TP53BP1: variants seen among roughly 807,000 people sequenced by gnomAD.
TP53BP1 encodes the protein TP53-binding protein 1.
In TP53BP1, 61 loss-of-function variants were observed where a neutral mutation model predicts 200.8. The observed-to-expected ratio is 0.30, with a 90% CI of 0.25 to 0.38. TP53BP1 has a LOEUF of 0.38. Ranked by LOEUF, TP53BP1 falls within the 10% of genes least tolerant of loss-of-function variation. TP53BP1 has a pLI of 1.00. For synonymous variants in TP53BP1, 822 were observed against 844.3 expected (o/e 0.97, Z 0.46); for missense variants, 2,144 against 2,371.9 (o/e 0.90, Z 2.00).
chr15:43,444,441 T>C (rs1408286529), intron 14 of TP53BP1, among the ~76,000 whole-genome samples: 3 of 152,192 alleles, frequency 2.0e-5, no homozygotes, highest in South Asian at 2.1e-4. Context: ...GAAAAGATGA[T>C]AGTAAGGATG....
intron 23 of TP53BP1, among the ~76,000 whole-genome samples, chr15:43,414,871 A>C (rs1009401623): frequency 6.6e-6 from 1 of 151,770 alleles, no homozygotes; most frequent in Non-Finnish European, 1.5e-5. Flanking sequence ...ACTCATAGCT[A>C]CTTTTTTTGT....
chr15:43,478,638 C>A (rs1453739098), intron 7 of TP53BP1, among the ~76,000 whole-genome samples: 1 of 152,148 alleles, frequency 6.6e-6, no homozygotes, highest in East Asian at 1.9e-4. Context: ...TTCCCCAATT[C>A]CTACCAAGTT....
Position 43,456,093 on chromosome 15 carries a change from A to C in TP53BP1, c.2515T>G (p.Ser839Ala). 3 of 1,614,210 alleles carry C rather than the reference A, an allele frequency of 1.9e-6. No homozygotes were observed. Among genetic ancestry groups the C allele is most frequent in the Non-Finnish European group, 2.5e-6 (3 of 1,180,038 alleles). ...TCATCTGCTCTCACTAAAGGTAAGGAAGGCTGTGAAGAATCTTGCTCTACA... is the reference window on the plus strand; with the variant it reads ...TCATCTGCTCTCACTAAAGGTAAGGCAGGCTGTGAAGAATCTTGCTCTACA... ...EPVEQDSSQP[S>A]LPLVRADDPL... The change falls in exon 12 of 28, where the codon TCC (serine) becomes GCC (alanine). Residue 839 changes from serine (S) to alanine (A), a missense_variant. Coordinates refer to ENST00000382044, the MANE Select transcript of TP53BP1 (RefSeq NM_001141980.3).
At chr15:43,466,689 T>C (rs529025362) in intron 11 of TP53BP1, among the ~76,000 whole-genome samples, 1 of 152,234 alleles carries the variant, frequency 6.6e-6, no homozygotes, top group Non-Finnish European at 1.5e-5. Context: ...AGGTCCCATC[T>C]CTACAAAAAA....
At chr15:43,501,204 T>TTA (rs2079207830) in intron 1 of TP53BP1, among the ~76,000 whole-genome samples, 1 of 81,824 alleles carries the variant, frequency 1.2e-5, no homozygotes. Flanking sequence ...AATTGTGTAA[T>TTA]TTTTTTTTTT....
chr15:43,441,382 T>G, intron 15 of TP53BP1, 144 bp downstream of exon 15: 1 of 649,868 alleles, frequency 1.5e-6, no homozygotes, highest in Non-Finnish European at 2.8e-6. Flanking sequence ...AAGTCTATGA[T>G]CCATTCAAAA....
At chr15:43,468,908 TAACAA>T (rs1400888229) in intron 11 of TP53BP1, among the ~76,000 whole-genome samples, 1 of 152,208 alleles carries the variant, frequency 6.6e-6, no homozygotes, top group Non-Finnish European at 1.5e-5. Flanking sequence ...TGAAATCCTT[TAACAA>T]AACAAGTTTT....
At chr15:43,415,209 T>C in intron 23 of TP53BP1, 1 of 244,796 alleles carries the variant, frequency 4.1e-6, no homozygotes, top group South Asian at 5.1e-5. Context: ...CTTCTTTTTT[T>C]TTTTTTTTTT....
At chr15:43,477,913 T>G (rs1466736731) in intron 7 of TP53BP1, among the ~76,000 whole-genome samples, 154 bp from the exon 8 acceptor site, 1 of 152,256 alleles carries the variant, frequency 6.6e-6, no homozygotes, top group Non-Finnish European at 1.5e-5. Context: ...AATAAACTAC[T>G]CTTTATAGTG....
rs1325874039 is a variant in TP53BP1, at chr15:43,446,571, T to C, written c.2856A>G (p.Glu952=). Residue 952 remains glutamate (E), a synonymous_variant, in exon 14 of 28, where the codon GAA becomes GAG. Coordinates refer to ENST00000382044, the MANE Select transcript of TP53BP1 (RefSeq NM_001141980.3). The stretch of plus-strand genomic sequence containing the variant: ...TGACATCACTGGTTGCTATGGTGCT[T>C]TCTGGATAGTTGCTAATACCTGAAA... The part of the protein sequence containing the change: ...STPIGISNYP[E]STIATSDVMS... 1 of 1,613,890 alleles carries C rather than the reference T, an allele frequency of 6.2e-7. No individual in the cohort carries two copies. The highest frequency in any genetic ancestry group is 8.5e-7 in the Non-Finnish European group (1 of 1,179,880).
intron 1 of TP53BP1, among the ~76,000 whole-genome samples, chr15:43,504,652 G>T (rs1204461211): frequency 1.3e-5 from 2 of 152,158 alleles, no homozygotes; most frequent in African/African-American, 4.8e-5. Flanking sequence ...AAGGAAAAAT[G>T]AACAGCCTAA....
intron 12 of TP53BP1, among the ~76,000 whole-genome samples, chr15:43,454,934 T>C (rs1042801473): frequency 2.4e-4 from 36 of 152,172 alleles, no homozygotes; most frequent in African/African-American, 7.7e-4. Flanking sequence ...TTCACCATGT[T>C]AGCCAGGCTG....
intron 1 of TP53BP1, among the ~76,000 whole-genome samples, chr15:43,502,513 A>G (rs2079214523): frequency 6.6e-6 from 1 of 151,202 alleles, no homozygotes. Flanking sequence ...GGAGTGCAGT[A>G]GCGCGATCTT....
rs1291888412 is a variant in TP53BP1 at position 43,404,372 on chromosome 15, T to C, written c.*3011A>G. ...CCCCATCCTCCATATGGAGAGTTGG[T>C]GAGCTGAAGTGGAATGACAGCTGAG... On this transcript the variant is annotated 3_prime_UTR_variant, in exon 28 of 28. Transcript: ENST00000382044. 6.2e-7 allele frequency: 1 copy of C among 1,611,358 alleles called. No individual in the cohort carries two copies. The highest frequency in any genetic ancestry group is 1.3e-5 in the African/African-American group (1 of 74,852).
chr15:43,493,531 A>G (rs917900734), upstream of TP53BP1, among the ~76,000 whole-genome samples: 1 of 149,252 alleles, frequency 6.7e-6, no homozygotes. Flanking sequence ...CAGCTTTCTC[A>G]TAACAGGGCA....
chr15:43,502,991 G>A (rs578078361), intron 1 of TP53BP1, among the ~76,000 whole-genome samples: 2 of 152,210 alleles, frequency 1.3e-5, no homozygotes, highest in African/African-American at 2.4e-5. Context: ...GGACTCAAGC[G>A]ATCAACCCGC....
chr15:43,485,783 C>T (rs1171211793), intron 4 of TP53BP1, among the ~76,000 whole-genome samples: 1 of 149,606 alleles, frequency 6.7e-6, no homozygotes, highest in East Asian at 2.0e-4. Context: ...GTGGAAGTTG[C>T]AGTGAGCCAA....
chr15:43,447,301 C>T, intron 13 of TP53BP1, 65 bp downstream of exon 13: 1 of 1,522,894 alleles, frequency 6.6e-7, no homozygotes, highest in Non-Finnish European at 8.9e-7. Flanking sequence ...TCTAAAATAT[C>T]ACTTGTGTAG....
chr15:43,485,733 C>G (rs1250518747), intron 4 of TP53BP1, among the ~76,000 whole-genome samples: 1 of 151,706 alleles, frequency 6.6e-6, no homozygotes, highest in Non-Finnish European at 1.5e-5. Flanking sequence ...ATCCCAGCTA[C>G]TCAGGAGGCT....
Sources: allele counts gnomAD v4.1 joint callset (sites outside exome capture counted in the v4.1 genomes callset), GRCh38; gene constraint gnomAD v4.1.1; transcripts MANE v1.5; gene names NCBI Gene and HGNC (gene_info 2026-07-23, HGNC 2026-07-21).